SMG1: variants seen among roughly 807,000 people sequenced by gnomAD.
The protein encoded by SMG1 is serine/threonine-protein kinase SMG1.
SMG1 carries 22 observed loss-of-function variants against 419.9 expected under a neutral mutation model. That is an observed-to-expected ratio of 0.05 (90% CI 0.04 to 0.07). The LOEUF is 0.07. SMG1 is among the 10% of genes least tolerant of loss of function. SMG1 has a pLI of 1.00. For synonymous variants in SMG1, 1,538 were observed against 1,553.5 expected, an observed-to-expected ratio of 0.99 and a Z score of 0.23; for missense variants, 3,185 against 4,342.0, an observed-to-expected ratio of 0.73 and a Z score of 7.49.
chr16:18,898,589 T>C (rs528734356), intron 1 of SMG1, among the ~76,000 whole-genome samples: 8 of 152,194 alleles, frequency 5.3e-5, no homozygotes, highest in Admixed American at 2.6e-4. Flanking sequence ...TGAAAGGAGA[T>C]TGAAACATAA....
chr16:18,820,383 C>T (rs982590734), intron 55 of SMG1, among the ~76,000 whole-genome samples: 23 of 151,332 alleles, frequency 1.5e-4, no homozygotes, highest in African/African-American at 5.3e-4. Flanking sequence ...TTTGTATTTT[C>T]TGTAGAGACG....
In SMG1 at chr16:18,835,922, T is replaced by C. The variant is rs905003525; in HGVS notation, c.8057+11A>G. ...TCAAAAATAAAAGAAAATTAAGCAC[T>C]ATCAACTTACTTCCTATAGAGCTCT... is the stretch of plus-strand genomic sequence containing the variant. On this transcript the variant is annotated intron_variant, in intron 48 of 62. Coordinates refer to ENST00000446231, the MANE Select transcript of SMG1 (RefSeq NM_015092.5). 11 of 1,550,046 alleles carry C rather than the reference T, an allele frequency of 7.1e-6. 1 individual carries two copies. The Admixed American group carries it at 7.9e-5, about 11-fold the overall frequency.
chr16:18,898,134 A>AAAT (rs2037207935), intron 1 of SMG1, among the ~76,000 whole-genome samples: 1 of 152,200 alleles, frequency 6.6e-6, no homozygotes, highest in African/African-American at 2.4e-5. Context: ...ACTAAACATA[A>AAAT]AACTTAGCAT....
intron 29 of SMG1, 181 bp downstream of exon 29, chr16:18,857,989 A>C (rs947802229): frequency 4.8e-6 from 2 of 419,398 alleles, no homozygotes; most frequent in African/African-American, 4.2e-5. Flanking sequence ...GATGATCCCA[A>C]GGGAACCTTC....
At chr16:18,835,882 G>C in intron 48 of SMG1, 51 bp downstream of exon 48, 1 of 1,515,550 alleles carries the variant, frequency 6.6e-7, no homozygotes, top group Non-Finnish European at 8.9e-7. Context: ...CTGGGTGACA[G>C]AACAAGACTC....
chr16:18,902,561 G>A (rs116043690), intron 1 of SMG1, among the ~76,000 whole-genome samples: 3,458 of 152,124 alleles, frequency 0.023, 125 homozygotes, highest in African/African-American at 0.079. Context: ...CTAGCCAGGC[G>A]AGGTGGTATG....
intron 1 of SMG1, among the ~76,000 whole-genome samples, chr16:18,914,358 G>C (rs1367633482): frequency 6.6e-6 from 1 of 151,952 alleles, no homozygotes; most frequent in African/African-American, 2.4e-5. Context: ...TAATATGAAA[G>C]AAGTAATTCA....
intron 23 of SMG1, among the ~76,000 whole-genome samples, 190 bp from the exon 24 acceptor site, chr16:18,864,334 T>TA (rs980207661): frequency 1.3e-5 from 2 of 151,770 alleles, no homozygotes; most frequent in African/African-American, 2.4e-5. Flanking sequence ...TAGCTGGGAA[T>TA]ACAGGCGCTC....
At chr16:18,854,498 G>A (rs1408762893) in intron 30 of SMG1, among the ~76,000 whole-genome samples, 158 bp downstream of exon 30, 1 of 152,154 alleles carries the variant, frequency 6.6e-6, no homozygotes, top group East Asian at 1.9e-4. Context: ...ATAAAGGTAA[G>A]TCAGTAATAA....
At position 18,853,792 on chromosome 16, in the gene SMG1, G is replaced by A. The variant is rs746382671; in HGVS notation, c.4559C>T (p.Ala1520Val). ...CAGTGTCAGAATTGATTTAGCAACTGCATATTCAGCTTTCACAGACTTGCA... is the reference window on the plus strand; with the variant it reads ...CAGTGTCAGAATTGATTTAGCAACTACATATTCAGCTTTCACAGACTTGCA... ...SFCKSVKAEY[A>V]VAKSILTLAK... Residue 1520 changes from alanine (A) to valine (V), a missense_variant, in exon 31 of 63, where the codon GCA becomes GTA. Transcript: ENST00000446231. 6.2e-7 allele frequency: 1 copy of A among 1,613,632 alleles called. No homozygotes were observed.
chr16:18,870,551 A>G (rs2035759446), intron 18 of SMG1, 59 bp downstream of exon 18: 4 of 992,666 alleles, frequency 4.0e-6, no homozygotes, highest in Non-Finnish European at 6.2e-6. Context: ...CCTAAAGTAG[A>G]CAACCAGTAG....
At chr16:18,887,762 T>A (rs1036482768) in intron 6 of SMG1, among the ~76,000 whole-genome samples, 4 of 38,296 alleles carry the variant, frequency 1.0e-4, no homozygotes, top group Non-Finnish European at 1.3e-4. Context: ...TCAAAAACAG[T>A]AAAAAAAAAA....
intron 51 of SMG1, 126 bp from the exon 52 acceptor site, chr16:18,830,495 G>T: frequency 8.8e-7 from 1 of 1,137,436 alleles, no homozygotes; most frequent in Non-Finnish European, 1.3e-6. Context: ...GCATTAAGAA[G>T]AAGTGTTATT....
intron 1 of SMG1, among the ~76,000 whole-genome samples, chr16:18,919,920 A>G (rs1463806386): frequency 2.6e-5 from 4 of 151,746 alleles, no homozygotes; most frequent in African/African-American, 9.7e-5. Context: ...AACATGGCGA[A>G]ACCCTGTCTC....
intron 24 of SMG1, 73 bp from the exon 25 acceptor site, chr16:18,863,924 T>C: frequency 1.3e-6 from 2 of 1,570,826 alleles, no homozygotes; most frequent in Non-Finnish European, 8.7e-7. Flanking sequence ...CACAGAAACC[T>C]AAAAACATAA....
At position 18,845,502 on chromosome 16, in the gene SMG1, T is replaced by G. The variant is rs773532582; in HGVS notation, c.6146A>C (p.Glu2049Ala). 15 of 1,613,900 alleles carry G rather than the reference T, an allele frequency of 9.3e-6. No homozygotes were observed. The African/African-American group carries it at 9.3e-5, about 10-fold the overall frequency. The change falls in exon 39 of 63, where the codon GAA (glutamate) becomes GCA (alanine). Residue 2049 changes from glutamate (E) to alanine (A), a missense_variant. Glu to Ala is a moderately radical substitution (Grantham distance 107). Transcript: ENST00000446231. ...AGTCTTCAGTTTTTCTAGGGCATTT[T>G]CAATGGCATCACCATAGTTATCCTG... is the stretch of plus-strand genomic sequence containing the variant. ...WFQDNYGDAI[E>A]NALEKLKTPL... is the part of the protein sequence containing the mutation.
At chr16:18,859,441 C>A in intron 27 of SMG1, 115 bp downstream of exon 27, 2 of 639,560 alleles carry the variant, frequency 3.1e-6, no homozygotes, top group South Asian at 2.0e-5. Context: ...TAAAATGAAG[C>A]TATTAGCACT....
Position 18,805,185 on chromosome 16 carries a change from C to G in SMG1, c.*4384G>C, listed in dbSNP as rs1165267573. The G allele has an allele frequency of 6.6e-6, 1 of 152,150 alleles. No homozygotes were observed. The highest frequency in any genetic ancestry group is 3.2e-3 in the Middle Eastern group (1 of 316). The allele number at this position is 152,150 out of a possible 1,614,324, so 9.4% of individuals were successfully genotyped here. On this transcript the variant is annotated 3_prime_UTR_variant, in exon 63 of 63. Coordinates refer to ENST00000446231, the MANE Select transcript of SMG1 (RefSeq NM_015092.5). The stretch of plus-strand genomic sequence containing the variant: ...TAAGTGAAGTATGATGTTGTTGCCA[C>G]TGACATTACAGGTGGAAATATAAGG...
chr16:18,894,679 T>TA (rs34559113), intron 3 of SMG1, among the ~76,000 whole-genome samples: 10,011 of 121,148 alleles, frequency 0.083, 1,282 homozygotes, highest in African/African-American at 0.27. Flanking sequence ...CACACAGTAT[T>TA]AAAAAAAAAA....
Sources: gnomAD v4.1 joint callset for allele counts (sites outside exome capture counted in the v4.1 genomes callset) on GRCh38, gnomAD v4.1.1 for gene constraint, MANE v1.5 for transcripts, NCBI Gene and HGNC (gene_info 2026-07-23, HGNC 2026-07-21) for gene names.